GSG1L: variants seen among roughly 807,000 people sequenced by gnomAD.
GSG1L encodes germ cell-specific gene 1-like protein.
GSG1L carries 24 observed loss-of-function variants against 42.1 expected under a neutral mutation model. That is an observed-to-expected ratio of 0.57 (90% CI 0.41 to 0.80). The LOEUF (loss-of-function observed/expected upper bound fraction) is 0.80. Among genes scored for constraint, GSG1L ranks in the 30% least tolerant of loss-of-function variants. GSG1L has a pLI of 0.00. For synonymous variants in GSG1L, 215 were observed against 203.5 expected (o/e 1.06, Z -0.48); for missense variants, 445 against 472.2 (o/e 0.94, Z 0.53).
At chr16:27,845,156 C>T in intron 3 of GSG1L, 95 bp from the exon 4 acceptor site, 1 of 791,146 alleles carries the variant, frequency 1.3e-6, no homozygotes, top group Non-Finnish European at 2.1e-6. Flanking sequence ...TGCCTGTCTG[C>T]CTGTGATCAC....
chr16:28,027,687 T>G (rs1596712555), intron 1 of GSG1L, among the ~76,000 whole-genome samples: 1 of 152,084 alleles, frequency 6.6e-6, no homozygotes, highest in Non-Finnish European at 1.5e-5. Context: ...GTAGATAATT[T>G]TCTTAGACTT....
At position 27,884,317 on chromosome 16, in the gene GSG1L, A is replaced by G. The variant is rs1479705188; in HGVS notation, c.550+169T>C. On this transcript the variant is annotated intron_variant, in intron 3 of 6. Coordinates refer to ENST00000447459, the MANE Select transcript of GSG1L (RefSeq NM_001109763.2). This position sits in a 1 kb window ranked among gnomAD's most constrained non-coding sequence, Gnocchi z 4.4. ...TGGTCTGGTGCTTAGCATGTATTAGATGCTCAGTCAATATGCATTGGTCAT... is the reference window on the plus strand; with the variant it reads ...TGGTCTGGTGCTTAGCATGTATTAGGTGCTCAGTCAATATGCATTGGTCAT... Among the ~76,000 whole-genome samples, 1 of 152,220 alleles carries G rather than the reference A, an allele frequency of 6.6e-6. No homozygotes were observed. Among genetic ancestry groups the G allele is most frequent in the Non-Finnish European group, 1.5e-5 (1 of 68,030 alleles).
chr16:27,996,487 G>A (rs1254349809), intron 1 of GSG1L, among the ~76,000 whole-genome samples: 1 of 146,148 alleles, frequency 6.8e-6, no homozygotes, highest in African/African-American at 2.5e-5. Context: ...GAAGGATCAT[G>A]CCCATTAAAA....
intron 1 of GSG1L, among the ~76,000 whole-genome samples, chr16:27,966,853 G>C (rs2085142117): frequency 6.6e-6 from 1 of 152,202 alleles, no homozygotes; most frequent in Non-Finnish European, 1.5e-5. Flanking sequence ...AGAATCAGAA[G>C]ATCCAGCTGT....
chr16:28,053,865 T>C (rs1399181799), intron 1 of GSG1L, among the ~76,000 whole-genome samples: 1 of 152,212 alleles, frequency 6.6e-6, no homozygotes, highest in Non-Finnish European at 1.5e-5. Flanking sequence ...GTGCACCCAA[T>C]GCGGTGCACG....
intron 5 of GSG1L, among the ~76,000 whole-genome samples, chr16:27,827,483 G>A (rs763010017): frequency 6.6e-6 from 1 of 152,170 alleles, no homozygotes; most frequent in Non-Finnish European, 1.5e-5. Context: ...GCAGCTAGCA[G>A]GGTGTAGGTT....
At chr16:28,035,574 A>G (rs1182756847) in intron 1 of GSG1L, among the ~76,000 whole-genome samples, 4 of 152,216 alleles carry the variant, frequency 2.6e-5, no homozygotes, top group Non-Finnish European at 4.4e-5. Context: ...AATATCGGGA[A>G]GCACTTTGCT....
chr16:27,939,588 C>CTGGGCTTTTGTAGTCTTGTAACGT (rs1449285764), intron 2 of GSG1L, among the ~76,000 whole-genome samples: 2 of 152,148 alleles, frequency 1.3e-5, no homozygotes, highest in Non-Finnish European at 2.9e-5. Flanking sequence ...CAGAACAGGA[C>CTGGGCTTTTGTAGTCTTGTAACGT]TTCTGAGTTA....
chr16:27,989,052 C>CA (rs560236316), intron 1 of GSG1L, among the ~76,000 whole-genome samples: 1,613 of 81,690 alleles, frequency 0.02, 25 homozygotes, highest in African/African-American at 0.043. Flanking sequence ...GACTCTGTCT[C>CA]AAAAAAAAAA....
At chr16:27,893,714 G>A (rs1171934879) in intron 2 of GSG1L, among the ~76,000 whole-genome samples, 8 of 151,884 alleles carry the variant, frequency 5.3e-5, no homozygotes, top group Admixed American at 5.3e-4. Context: ...CGAGTAGCTG[G>A]GACTACAGAC....
At chr16:27,860,815 C>T (rs896406318) in intron 3 of GSG1L, among the ~76,000 whole-genome samples, 2 of 150,028 alleles carry the variant, frequency 1.3e-5, no homozygotes, top group African/African-American at 5.1e-5. Flanking sequence ...CCAAGGACAT[C>T]ACAGTCATGG....
chr16:28,049,403 C>T (rs1386813572), intron 1 of GSG1L, among the ~76,000 whole-genome samples: 1 of 152,010 alleles, frequency 6.6e-6, no homozygotes, highest in African/African-American at 2.4e-5. Flanking sequence ...GAAAACTGGA[C>T]TGTGTGGTAG....
intron 6 of GSG1L, among the ~76,000 whole-genome samples, chr16:27,795,790 GA>G: frequency 6.6e-6 from 1 of 152,228 alleles, no homozygotes; most frequent in Non-Finnish European, 1.5e-5. Context: ...TTTAAATCCA[GA>G]TATCAAAACA....
intron 1 of GSG1L, among the ~76,000 whole-genome samples, chr16:27,987,945 C>CAA (rs56395297): frequency 0.4 from 36,778 of 92,070 alleles, 7,110 homozygotes; most frequent in East Asian, 0.65. Flanking sequence ...GACTCCGTCT[C>CAA]AAAAAAAAAA....
rs1249469832 is a variant in GSG1L at position 27,828,913 on chromosome 16, T to C, written c.706A>G (p.Thr236Ala). 6 of 1,614,118 alleles carry C rather than the reference T, an allele frequency of 3.7e-6. No homozygotes were observed. Among genetic ancestry groups the C allele is most frequent in the Non-Finnish European group, 5.1e-6 (6 of 1,180,028 alleles). ...SFTCCMAASV[T>A]TLNSYTKTVI... ...GTCTTGGTGTAGGAGTTGAGCGTGG[T>C]GACAGAGGCTGCCATGCAGCAGGTA... is the stretch of plus-strand genomic sequence containing the variant. The change falls in exon 5 of 7, where the codon ACC (threonine) becomes GCC (alanine). Residue 236 changes from threonine (T) to alanine (A), a missense_variant. Thr to Ala is a moderately conservative substitution (Grantham distance 58, BLOSUM62 0). Around this residue, in one of 3 missense-constraint regions of GSG1L, gnomAD observed 149 missense variants for 223.3 expected, o/e 0.67. Transcript: ENST00000447459.
rs763847259 is a variant in GSG1L at position 28,011,667 on chromosome 16, T to C, written c.350-48464A>G. On this transcript the variant is annotated intron_variant, in intron 1 of 6. Coordinates refer to ENST00000447459, the MANE Select transcript of GSG1L (RefSeq NM_001109763.2). The stretch of plus-strand genomic sequence containing the variant: ...CCCCAATGTCCATCTGCCTCCTCCT[T>C]CTGTGCCTTCACGGCCATCGAGGAC... Among the ~76,000 whole-genome samples, 33 of 152,160 alleles carry C rather than the reference T, an allele frequency of 2.2e-4. 1 individual carries two copies. Among genetic ancestry groups the C allele is most frequent in the Admixed American group, 1.1e-3 (17 of 15,284 alleles).
chr16:27,867,621 C>T (rs372941109), intron 3 of GSG1L, among the ~76,000 whole-genome samples: 4 of 152,258 alleles, frequency 2.6e-5, no homozygotes, highest in East Asian at 1.9e-4. Context: ...TCCCCTACGA[C>T]AGGGCTTTGG....
At chr16:27,979,696 AAG>A (rs2085298362) in intron 1 of GSG1L, among the ~76,000 whole-genome samples, 1 of 52,222 alleles carries the variant, frequency 1.9e-5, no homozygotes, top group African/African-American at 7.9e-5. Flanking sequence ...AGAAGGAAGG[AAG>A]GAAGGAAGGA....
intron 4 of GSG1L, among the ~76,000 whole-genome samples, chr16:27,838,481 C>T (rs531690645): frequency 3.3e-5 from 5 of 152,234 alleles, no homozygotes; most frequent in East Asian, 3.9e-4. Flanking sequence ...GCCTGGTTTC[C>T]GGAGCCAAGA....
Sources: allele counts gnomAD v4.1 joint callset (sites outside exome capture counted in the v4.1 genomes callset), GRCh38; gene constraint gnomAD v4.1.1; regional missense constraint gnomAD v4.1.1; non-coding constraint Gnocchi (gnomAD v3.1); transcripts MANE v1.5; gene names NCBI Gene and HGNC (gene_info 2026-07-23, HGNC 2026-07-21).